Variants in MACROD2 observed in about 807,000 individuals in gnomAD.
MACROD2 encodes the protein ADP-ribose glycohydrolase MACROD2.
MACROD2 carries 36 observed loss-of-function variants against 70.4 expected under a neutral mutation model. The ratio of observed to expected loss-of-function variants is 0.51; its 90% CI spans 0.39 to 0.68. The LOEUF (loss-of-function observed/expected upper bound fraction) is 0.68. Ranked by LOEUF, MACROD2 falls within the 30% of genes least tolerant of loss-of-function variation. MACROD2 has a pLI of 0.00. For missense variants in MACROD2, 496 were observed against 538.4 expected, an observed-to-expected ratio of 0.92 and a Z score of 0.78; for synonymous variants, 172 against 178.8, an observed-to-expected ratio of 0.96 and a Z score of 0.30.
intron 5 of MACROD2, among the ~76,000 whole-genome samples, chr20:15,014,558 G>T (rs1214255215): frequency 6.6e-6 from 1 of 152,144 alleles, no homozygotes; most frequent in Non-Finnish European, 1.5e-5. Flanking sequence ...GTTAATACGG[G>T]TTGAAAGGAT....
chr20:15,599,118 T>G (rs12625727), intron 8 of MACROD2, among the ~76,000 whole-genome samples: 10,395 of 151,976 alleles, frequency 0.068, 503 homozygotes, highest in Middle Eastern at 0.14. Flanking sequence ...TGGTGGCTCA[T>G]GCCTGTAATC....
At chr20:15,456,032 A>C (rs2046720473) in intron 7 of MACROD2, among the ~76,000 whole-genome samples, 1 of 152,184 alleles carries the variant, frequency 6.6e-6, no homozygotes, top group Admixed American at 6.6e-5. Flanking sequence ...TCTCCGCGAA[A>C]GTGGGCTTTT....
intron 8 of MACROD2, among the ~76,000 whole-genome samples, chr20:15,745,962 T>A (rs146742597): frequency 6.6e-6 from 1 of 152,268 alleles, no homozygotes; most frequent in Non-Finnish European, 1.5e-5. Context: ...GCAGAGCAAG[T>A]CTTACCTTTT....
At chr20:14,923,736 C>T (rs1288422391) in intron 5 of MACROD2, among the ~76,000 whole-genome samples, 2 of 143,160 alleles carry the variant, frequency 1.4e-5, no homozygotes, top group Non-Finnish European at 3.0e-5. Context: ...GCCTCCAGGG[C>T]CACTCTTAAT....
intron 7 of MACROD2, 140 bp from the exon 8 acceptor site, chr20:15,499,634 T>C (rs1207311381): frequency 1.5e-6 from 1 of 687,294 alleles, no homozygotes; most frequent in Non-Finnish European, 2.6e-6. Flanking sequence ...TTCATATCCA[T>C]GTACATCTTA....
intron 15 of MACROD2, among the ~76,000 whole-genome samples, chr20:16,030,538 A>AG (rs1176442973): frequency 1.3e-5 from 2 of 152,226 alleles, no homozygotes; most frequent in African/African-American, 4.8e-5. Context: ...GTACTGTGGA[A>AG]GAAAACATAA....
At chr20:15,352,444 T>C (rs926700634) in intron 6 of MACROD2, among the ~76,000 whole-genome samples, 1 of 152,022 alleles carries the variant, frequency 6.6e-6, no homozygotes, top group Non-Finnish European at 1.5e-5. Context: ...TCAAAATATC[T>C]ATATATATAT....
At chr20:15,381,516 A>G (rs192823400) in intron 6 of MACROD2, among the ~76,000 whole-genome samples, 18 of 152,136 alleles carry the variant, frequency 1.2e-4, no homozygotes, top group Admixed American at 9.8e-4. Flanking sequence ...AAATACAAAA[A>G]TTAGCTGAGT....
At chr20:15,342,777 G>T (rs887154443) in intron 6 of MACROD2, among the ~76,000 whole-genome samples, 28 of 152,052 alleles carry the variant, frequency 1.8e-4, no homozygotes, top group African/African-American at 6.8e-4. Context: ...GTTTTCGGAG[G>T]GGTGGAACTT....
intron 4 of MACROD2, among the ~76,000 whole-genome samples, chr20:14,505,048 A>G (rs539249694): frequency 1.1e-3 from 166 of 152,356 alleles, no homozygotes; most frequent in African/African-American, 3.8e-3. Context: ...ATGTAGATAT[A>G]GAAACCACTA....
At chr20:15,388,533 T>C (rs2045750975) in intron 6 of MACROD2, among the ~76,000 whole-genome samples, 1 of 152,220 alleles carries the variant, frequency 6.6e-6, no homozygotes. Flanking sequence ...TCTCATGTAA[T>C]ATTTCATGTA....
intron 8 of MACROD2, among the ~76,000 whole-genome samples, chr20:15,666,061 T>C (rs750665027): frequency 2.6e-5 from 4 of 152,202 alleles, no homozygotes; most frequent in Non-Finnish European, 4.4e-5. Flanking sequence ...AGCCTTGTAA[T>C]TAACAAGGTA....
intron 5 of MACROD2, among the ~76,000 whole-genome samples, chr20:14,813,437 G>A (rs1029790667): frequency 2.0e-5 from 3 of 150,238 alleles, no homozygotes; most frequent in African/African-American, 7.4e-5. Context: ...CCACTTATAA[G>A]TGAGAACATA....
chr20:15,383,473 T>C (rs1206289911), intron 6 of MACROD2, among the ~76,000 whole-genome samples: 2 of 152,178 alleles, frequency 1.3e-5, no homozygotes, highest in Non-Finnish European at 2.9e-5. Flanking sequence ...GAACTAACCT[T>C]AGAGTAGGGT....
chr20:14,965,453 C>CTTTTTTTTTTTTTTT (rs532870999), intron 5 of MACROD2, among the ~76,000 whole-genome samples: 5 of 68,052 alleles, frequency 7.3e-5, no homozygotes, highest in Non-Finnish European at 1.1e-4. Flanking sequence ...ATTTTTTTTT[C>CTTTTTTTTTTTTTTT]TTTTTTTTTT....
intron 5 of MACROD2, among the ~76,000 whole-genome samples, chr20:15,154,345 C>A (rs2076292153): frequency 6.6e-6 from 1 of 152,156 alleles, no homozygotes; most frequent in African/African-American, 2.4e-5. Flanking sequence ...AGGTAAATAG[C>A]CTGACTGGAG....
intron 8 of MACROD2, among the ~76,000 whole-genome samples, chr20:15,532,697 C>T (rs1463185470): frequency 6.8e-6 from 1 of 146,794 alleles, no homozygotes; most frequent in Non-Finnish European, 1.5e-5. Flanking sequence ...GCTACAAACA[C>T]ACTACCTCAT....
intron 5 of MACROD2, among the ~76,000 whole-genome samples, chr20:14,919,920 C>T (rs1174821803): frequency 6.6e-6 from 1 of 152,174 alleles, no homozygotes; most frequent in East Asian, 1.9e-4. Flanking sequence ...AAAGCAACTC[C>T]TATGAGCAAT....
At chr20:15,622,062 G>T (rs2049133266) in intron 8 of MACROD2, among the ~76,000 whole-genome samples, 1 of 152,236 alleles carries the variant, frequency 6.6e-6, no homozygotes, top group African/African-American at 2.4e-5. Flanking sequence ...GATGCACACT[G>T]AAGGGGAAGG....
Sources: gnomAD v4.1 joint callset for allele counts (sites outside exome capture counted in the v4.1 genomes callset) on GRCh38, gnomAD v4.1.1 for gene constraint, MANE v1.5 for transcripts, NCBI Gene and HGNC (gene_info 2026-07-23, HGNC 2026-07-21) for gene names.